Variants in THSD7A observed in about 807,000 individuals in gnomAD.
The protein encoded by THSD7A is thrombospondin type 1 domain containing 7A.
In THSD7A, 96 loss-of-function variants were observed where a neutral mutation model predicts 231.3. The ratio of observed to expected loss-of-function variants is 0.41; its 90% CI spans 0.35 to 0.49. THSD7A has a LOEUF of 0.49. THSD7A is among the 20% of genes least tolerant of loss of function. THSD7A has a pLI of 0.05. For synonymous variants in THSD7A, 940 were observed against 743.3 expected, an observed-to-expected ratio of 1.26 and a Z score of -4.30; for missense variants, 2,290 against 2,070.2, an observed-to-expected ratio of 1.11 and a Z score of -2.06.
intron 1 of THSD7A, among the ~76,000 whole-genome samples, chr7:11,643,595 G>GCA (rs1287632299): frequency 1.8e-4 from 9 of 48,758 alleles, no homozygotes; most frequent in South Asian, 1.3e-3. Flanking sequence ...TACACCACAC[G>GCA]CACGCGCGCA....
At chr7:11,562,250 T>A (rs1004412598) in intron 4 of THSD7A, among the ~76,000 whole-genome samples, 5 of 151,352 alleles carry the variant, frequency 3.3e-5, no homozygotes, top group African/African-American at 9.7e-5. Flanking sequence ...TGTACATTTT[T>A]AAAATTTTTC....
intron 1 of THSD7A, among the ~76,000 whole-genome samples, chr7:11,792,282 C>CT (rs1418496224): frequency 6.6e-6 from 1 of 151,966 alleles, no homozygotes; most frequent in Non-Finnish European, 1.5e-5. Flanking sequence ...CTACAAAGAG[C>CT]TTTTTCACAG....
At chr7:11,729,746 T>C (rs1014973058) in intron 1 of THSD7A, among the ~76,000 whole-genome samples, 3 of 151,692 alleles carry the variant, frequency 2.0e-5, no homozygotes, top group Admixed American at 6.6e-5. Flanking sequence ...ACTTAGCAGG[T>C]GATACGGAAA....
chr7:11,724,879 GC>G (rs777049950), intron 1 of THSD7A, among the ~76,000 whole-genome samples: 2 of 151,842 alleles, frequency 1.3e-5, no homozygotes, highest in Non-Finnish European at 2.9e-5. Context: ...AAAAGTAAAT[GC>G]TGCTGAGGAG....
At chr7:11,418,398 CT>C (rs1226813871) in intron 16 of THSD7A, among the ~76,000 whole-genome samples, 5 of 151,862 alleles carry the variant, frequency 3.3e-5, no homozygotes, top group African/African-American at 1.2e-4. Flanking sequence ...TCAGACTTCA[CT>C]TTTACCATAG....
At chr7:11,399,953 C>G (rs926321876) in intron 23 of THSD7A, among the ~76,000 whole-genome samples, 5 of 151,952 alleles carry the variant, frequency 3.3e-5, no homozygotes, top group Non-Finnish European at 5.9e-5. Context: ...AAATGTGGCA[C>G]ATATACACCA....
chr7:11,664,431 C>T (rs978585649), intron 1 of THSD7A, among the ~76,000 whole-genome samples: 6 of 151,884 alleles, frequency 4.0e-5, no homozygotes, highest in Admixed American at 6.6e-5. Flanking sequence ...GAAAAGAGAA[C>T]ATACCTCATA....
chr7:11,375,992 C>A, intron 27 of THSD7A, 114 bp from the exon 28 acceptor site: 1 of 879,924 alleles, frequency 1.1e-6, no homozygotes, highest in South Asian at 1.5e-5. Context: ...GCCTCGTTGC[C>A]TGCGTTGCCT....
chr7:11,616,810 G>GA (rs1161572548), intron 2 of THSD7A, among the ~76,000 whole-genome samples: 2 of 151,784 alleles, frequency 1.3e-5, no homozygotes, highest in Non-Finnish European at 2.9e-5. Flanking sequence ...ATTCTACTCA[G>GA]AAAAAAAGTG....
chr7:11,579,995 C>T (rs924448676), intron 4 of THSD7A, among the ~76,000 whole-genome samples: 1 of 152,042 alleles, frequency 6.6e-6, no homozygotes, highest in African/African-American at 2.4e-5. Context: ...CCTTCTAAGG[C>T]CCTGGCAGAG....
At position 11,407,041 on chromosome 7, in the gene THSD7A, T is replaced by C; in HGVS notation, c.3931A>G (p.Arg1311Gly). The part of the protein sequence containing the change: ...TCGLTGKMIR[R>G]RTVTQPFQGD... ...TGAAAGGGCTGGGTCACTGTTCGTC[T>C]TCGGATCATTTTTCCTTGAAGAGAT... Residue 1311 changes from arginine (R) to glycine (G), a missense_variant, in exon 21 of 28, where the codon AGA (arginine) becomes GGA (glycine). By Grantham distance (125) the Arg-to-Gly change is moderately radical. Transcript: ENST00000423059. The C allele has an allele frequency of 6.2e-7, 1 of 1,613,798 alleles. No individual in the cohort carries two copies. Among genetic ancestry groups the C allele is most frequent in the Non-Finnish European group, 8.5e-7 (1 of 1,179,844 alleles).
At chr7:11,727,886 T>C (rs574697761) in intron 1 of THSD7A, among the ~76,000 whole-genome samples, 2 of 152,148 alleles carry the variant, frequency 1.3e-5, no homozygotes, top group East Asian at 3.9e-4. Flanking sequence ...TCTCATTCTT[T>C]GGTCCTTAAA....
chr7:11,409,107 T>G (rs896642762), intron 19 of THSD7A, among the ~76,000 whole-genome samples: 2 of 152,174 alleles, frequency 1.3e-5, no homozygotes, highest in Admixed American at 6.5e-5. Flanking sequence ...TGTGTGTAAA[T>G]AAATTAAAAA....
intron 7 of THSD7A, among the ~76,000 whole-genome samples, chr7:11,475,589 G>GTA (rs1289343130): frequency 6.9e-6 from 1 of 143,952 alleles, no homozygotes. Flanking sequence ...TAACATATAT[G>GTA]TATATAACAT....
At chr7:11,780,871 G>T (rs961457306) in intron 1 of THSD7A, among the ~76,000 whole-genome samples, 4 of 150,624 alleles carry the variant, frequency 2.7e-5, no homozygotes, top group Admixed American at 6.6e-5. Flanking sequence ...GGCGCCTGTA[G>T]TCCCAGCTAC....
chr7:11,546,010 G>A (rs941525102), intron 4 of THSD7A, among the ~76,000 whole-genome samples: 3 of 152,124 alleles, frequency 2.0e-5, no homozygotes, highest in Admixed American at 2.0e-4. Context: ...TACACTTGCA[G>A]TACAATCTCA....
chr7:11,513,406 C>G (rs563138860), intron 6 of THSD7A, among the ~76,000 whole-genome samples: 28 of 151,604 alleles, frequency 1.8e-4, no homozygotes, highest in African/African-American at 6.5e-4. Context: ...CCCAAATGTC[C>G]ATCAACAAAT....
At chr7:11,465,142 T>G (rs1188773074) in intron 9 of THSD7A, among the ~76,000 whole-genome samples, 1 of 152,174 alleles carries the variant, frequency 6.6e-6, no homozygotes, top group Non-Finnish European at 1.5e-5. Context: ...GAGTCACATA[T>G]AGTAAGTGCT....
chr7:11,726,548 T>C (rs892102249), intron 1 of THSD7A, among the ~76,000 whole-genome samples: 1 of 85,616 alleles, frequency 1.2e-5, no homozygotes, highest in African/African-American at 4.6e-5. Flanking sequence ...CAGAATTGAT[T>C]TTTTTTGCAC....
Sources: allele counts gnomAD v4.1 joint callset (sites outside exome capture counted in the v4.1 genomes callset), GRCh38; gene constraint gnomAD v4.1.1; transcripts MANE v1.5; gene names NCBI Gene and HGNC (gene_info 2026-07-23, HGNC 2026-07-21).